Variants in SLC25A42 observed in about 807,000 individuals in gnomAD.
SLC25A42 encodes the protein mitochondrial coenzyme A transporter SLC25A42.
In SLC25A42, 19 loss-of-function variants were observed where a neutral mutation model predicts 34.7. That is an observed-to-expected ratio of 0.55 (90% CI 0.38 to 0.80). The LOEUF is 0.80. SLC25A42 is among the 30% of genes least tolerant of loss of function. The probability of loss-of-function intolerance (pLI) is 0.00; values close to 1 mark genes in which losing one functional copy is unlikely to be tolerated. For missense variants in SLC25A42, 364 were observed against 441.3 expected, an observed-to-expected ratio of 0.82 and a Z score of 1.57; for synonymous variants, 205 against 191.2, an observed-to-expected ratio of 1.07 and a Z score of -0.59.
At chr19:19,087,318 C>T (rs374447833) in intron 1 of SLC25A42, among the ~76,000 whole-genome samples, 8 of 151,828 alleles carry the variant, frequency 5.3e-5, no homozygotes, top group African/African-American at 1.7e-4. Flanking sequence ...GACAGAGTCT[C>T]GCTCTGTCGC....
In SLC25A42 at chr19:19,081,395, C is replaced by T. The variant is rs754587855; in HGVS notation, c.-34-14696C>T. 7.2e-5 allele frequency among the ~76,000 whole-genome samples: 11 copies of T among 152,150 alleles called. No homozygotes were observed. The highest frequency in any genetic ancestry group is 7.2e-5 in the African/African-American group (3 of 41,436). ...GAAGTGTTTCCAGTGCCAGTTGGCC[C>T]GTCTGTTTTTAAATAAACAGAAGCA... On this transcript the variant is annotated intron_variant, in intron 1 of 7. Coordinates refer to ENST00000318596, the MANE Select transcript of SLC25A42 (RefSeq NM_178526.5). The surrounding 1 kb of genome is among the most constrained non-coding windows in gnomAD (Gnocchi z 4.5).
At chr19:19,087,625 C>A (rs2059714793) in intron 1 of SLC25A42, among the ~76,000 whole-genome samples, 1 of 152,216 alleles carries the variant, frequency 6.6e-6, no homozygotes, top group Non-Finnish European at 1.5e-5. Flanking sequence ...TAATACTAGC[C>A]TTTGCCTAAT....
intron 1 of SLC25A42, among the ~76,000 whole-genome samples, chr19:19,071,839 C>G (rs1165153686): frequency 1.3e-5 from 2 of 151,704 alleles, no homozygotes; most frequent in Admixed American, 6.6e-5. Flanking sequence ...GCACTCCAGC[C>G]TAGGCAACAA....
At chr19:19,083,496 G>A (rs1468168592) in intron 1 of SLC25A42, among the ~76,000 whole-genome samples, 1 of 152,218 alleles carries the variant, frequency 6.6e-6, no homozygotes, top group Admixed American at 6.5e-5. Context: ...CCAAATGTCA[G>A]GACAAGAGGG....
intron 7 of SLC25A42, among the ~76,000 whole-genome samples, chr19:19,108,487 C>T (rs142693263): frequency 7.9e-5 from 12 of 151,876 alleles, no homozygotes; most frequent in Non-Finnish European, 1.0e-4. Context: ...AGGTCAAGGC[C>T]GCAGTGAGCT....
intron 6 of SLC25A42, among the ~76,000 whole-genome samples, chr19:19,107,329 AC>A (rs1190001681): frequency 2.7e-5 from 4 of 150,422 alleles, no homozygotes; most frequent in African/African-American, 7.3e-5. Context: ...AAAAAAAAAA[AC>A]AAAAAAAGTG....
At chr19:19,067,391 G>A (rs1206026847) in intron 1 of SLC25A42, among the ~76,000 whole-genome samples, 2 of 152,048 alleles carry the variant, frequency 1.3e-5, no homozygotes, top group Non-Finnish European at 2.9e-5. Flanking sequence ...AGACCAGCTC[G>A]GGCAACATGG....
In SLC25A42 at chr19:19,105,026, G is replaced by A. The variant is rs1057131110; in HGVS notation, c.213+88G>A. 5 of 1,483,238 alleles carry A rather than the reference G, an allele frequency of 3.4e-6. No homozygotes were observed. The African/African-American group carries it at 6.9e-5, about 21-fold the overall frequency. 91.9% of individuals were successfully genotyped at this position (1,483,238 alleles called of 1,614,324 possible). The stretch of plus-strand genomic sequence containing the variant: ...GAGTTAGGCAGGTGGTCTGAGGAGA[G>A]TCTCAGGGGTGGGGACAGGACTACC... On this transcript the variant is annotated intron_variant, in intron 4 of 7. Coordinates refer to ENST00000318596, the MANE Select transcript of SLC25A42 (RefSeq NM_178526.5).
chr19:19,081,126 A>AG lies in SLC25A42; in HGVS notation c.-34-14964dup, dbSNP rs1181038050. 2.6e-5 allele frequency among the ~76,000 whole-genome samples: 4 copies of AG among 152,048 alleles called. No homozygotes were observed. The highest frequency in any genetic ancestry group is 9.7e-5 in the African/African-American group (4 of 41,386). ...GTGAGACCCTGAAAAAATAAAAAAA[A>AG]GAAGAAAGAAAGAATAAAGAAAAGA... is the stretch of plus-strand genomic sequence containing the variant. On this transcript the variant is annotated intron_variant, in intron 1 of 7. Coordinates refer to ENST00000318596, the MANE Select transcript of SLC25A42 (RefSeq NM_178526.5). The surrounding 1 kb of genome is among the most constrained non-coding windows in gnomAD (Gnocchi z 4.5).
intron 1 of SLC25A42, among the ~76,000 whole-genome samples, chr19:19,082,065 T>C (rs573545481): frequency 2.0e-5 from 3 of 152,270 alleles, no homozygotes; most frequent in African/African-American, 7.2e-5. Flanking sequence ...CCACCTCCCG[T>C]CACTCCCCTG....
At chr19:19,066,436 A>G (rs1463768592) in intron 1 of SLC25A42, among the ~76,000 whole-genome samples, 1 of 139,904 alleles carries the variant, frequency 7.1e-6, no homozygotes, top group African/African-American at 2.7e-5. Flanking sequence ...GCTGCAGCCC[A>G]TATTTTTTTT....
chr19:19,097,102 C>T (rs1464949408), intron 2 of SLC25A42, among the ~76,000 whole-genome samples: 3 of 152,194 alleles, frequency 2.0e-5, no homozygotes, highest in Admixed American at 1.3e-4. Context: ...GAAACCAGAA[C>T]CCCCACTGGC....
intron 1 of SLC25A42, among the ~76,000 whole-genome samples, chr19:19,085,456 A>G (rs903484258): frequency 1.3e-5 from 2 of 150,306 alleles, no homozygotes; most frequent in Non-Finnish European, 3.0e-5. Flanking sequence ...ATCTCAGCCC[A>G]CTGCAACCTC....
In SLC25A42 at chr19:19,111,986, G is replaced by T. The variant is rs920549246; in HGVS notation, c.*1110G>T. 2.6e-5 allele frequency: 4 copies of T among 152,218 alleles called. No homozygotes were observed. The highest frequency in any genetic ancestry group is 9.7e-5 in the African/African-American group (4 of 41,444). The allele number at this position is 152,218 out of a possible 1,614,324, so 9.4% of individuals were successfully genotyped here. The stretch of plus-strand genomic sequence containing the variant: ...TCTGAGGTACCCAGGGGAACCCCCA[G>T]CTAACTGGTCTCTCAGAGGAGTCCC... On this transcript the variant is annotated 3_prime_UTR_variant, in exon 8 of 8. Coordinates refer to ENST00000318596, the MANE Select transcript of SLC25A42 (RefSeq NM_178526.5).
At position 19,100,868 on chromosome 19, in the gene SLC25A42, G is replaced by A. The variant is rs181543860; in HGVS notation, c.82-913G>A. 4.9e-3 allele frequency among the ~76,000 whole-genome samples: 751 copies of A among 152,240 alleles called. 9 individuals are homozygous for A. The highest frequency in any genetic ancestry group is 0.02 in the Middle Eastern group (6 of 294). ...GTCACTGAACAACCTGCCCTTCCAC[G>A]TTACATTCAGACAGCAAAGCATTGC... On this transcript the variant is annotated intron_variant, in intron 2 of 7. Coordinates refer to ENST00000318596, the MANE Select transcript of SLC25A42 (RefSeq NM_178526.5).
intron 6 of SLC25A42, chr19:19,106,615 A>C: frequency 2.7e-6 from 1 of 369,616 alleles, no homozygotes; most frequent in Non-Finnish European, 4.9e-6. Context: ...TTCATTTTGA[A>C]CTGGGCACAG....
At chr19:19,110,044 T>C (rs1281842735) in intron 7 of SLC25A42, among the ~76,000 whole-genome samples, 1 of 152,140 alleles carries the variant, frequency 6.6e-6, no homozygotes, top group Non-Finnish European at 1.5e-5. Context: ...TGTTTCTGCC[T>C]TTTAAGAAAT....
rs755201642 is a variant in SLC25A42, at chr19:19,096,093, C to T, written c.-32C>T. ...ACCACCTCCCCTTACCCCCCCAGGA[C>T]CGAGTCTCCTGCCATTCCGAGCAGG... On this transcript the variant is annotated splice_region_variant and 5_prime_UTR_variant, in exon 2 of 8. Coordinates refer to ENST00000318596, the MANE Select transcript of SLC25A42 (RefSeq NM_178526.5). The T allele has an allele frequency of 3.7e-6, 6 of 1,600,306 alleles. No homozygotes were observed. The highest frequency in any genetic ancestry group is 5.1e-6 in the Non-Finnish European group (6 of 1,167,698).
At chr19:19,078,391 T>A (rs2059665397) in intron 1 of SLC25A42, among the ~76,000 whole-genome samples, 1 of 152,156 alleles carries the variant, frequency 6.6e-6, no homozygotes, top group Non-Finnish European at 1.5e-5. Flanking sequence ...CTTGGGTTCT[T>A]CCTTCTTGCT....
Sources: gnomAD v4.1 joint callset for allele counts (sites outside exome capture counted in the v4.1 genomes callset) on GRCh38, gnomAD v4.1.1 for gene constraint, Gnocchi (gnomAD v3.1) non-coding constraint, MANE v1.5 for transcripts, NCBI Gene and HGNC (gene_info 2026-07-23, HGNC 2026-07-21) for gene names.